Variants in CHAC1 observed in about 807,000 individuals in gnomAD.
CHAC1 encodes the protein glutathione-specific gamma-glutamylcyclotransferase 1.
A neutral mutation model predicts 22.1 loss-of-function variants in CHAC1; 22 were observed. The observed-to-expected ratio is 1.00, with a 90% CI of 0.71 to 1.42. CHAC1 has a LOEUF of 1.42. Ranked by LOEUF, CHAC1 falls within the 40% of genes most tolerant of loss-of-function variation. CHAC1 has a pLI of 0.00. For synonymous variants in CHAC1, 145 were observed against 128.7 expected (o/e 1.13, Z -0.86); for missense variants, 272 against 299.2 (o/e 0.91, Z 0.67).
intron 2 of CHAC1, among the ~76,000 whole-genome samples, chr15:40,954,585 T>TTGTTG (rs1555394339): frequency 6.8e-5 from 10 of 148,002 alleles, no homozygotes; most frequent in African/African-American, 2.4e-4. Flanking sequence ...GTTTTTTTTT[T>TTGTTG]TTGTTGTTGT....
In CHAC1 at chr15:40,953,698, G is replaced by A. The variant is rs938202394; in HGVS notation, c.115G>A (p.Gly39Ser). Reference protein sequence around the residue: ...DPQALWIFGYGSLVWRPDFAY... With the variant: ...DPQALWIFGYSSLVWRPDFAY... ...TCAAGCGCTGTGGATTTTCGGGTAC[G>A]GCTCCCTGGTGTGGAGGCCCGACTT... The change falls in exon 1 of 3, where the codon GGC becomes AGC. Residue 39 changes from glycine (G) to serine (S), a missense_variant. Physicochemically the swap from Gly to Ser is moderately conservative, Grantham distance 56 (BLOSUM62 0). Transcript: ENST00000617768. 2.5e-6 allele frequency: 4 copies of A among 1,607,090 alleles called. No individual in the cohort carries two copies. The highest frequency in any genetic ancestry group is 1.7e-5 in the Admixed American group (1 of 60,024).
chr15:40,953,866 G>A lies in CHAC1; in HGVS notation c.231+52G>A, dbSNP rs113688032. 7.1e-3 allele frequency: 9,908 copies of A among 1,387,732 alleles called. 42 individuals are homozygous for A. Among genetic ancestry groups the A allele is most frequent in the Middle Eastern group, 0.019 (104 of 5,430 alleles). 86.0% of individuals were successfully genotyped at this position (1,387,732 alleles called of 1,614,324 possible). ...GTGAGGGGGTTGGGGGCGGGATACTGGGCGCCAGTGCCCTGGAATGTCCGG... is the reference window on the plus strand; with the variant it reads ...GTGAGGGGGTTGGGGGCGGGATACTAGGCGCCAGTGCCCTGGAATGTCCGG... On this transcript the variant is annotated intron_variant, in intron 1 of 2. Transcript: ENST00000617768.
Position 40,953,487 on chromosome 15 carries a change from C to T in CHAC1, c.-97C>T, listed in dbSNP as rs754315444. On this transcript the variant is annotated 5_prime_UTR_variant, in exon 1 of 3. Coordinates refer to ENST00000617768, the MANE Select transcript of CHAC1 (RefSeq NM_024111.6). ...GGGGCGCTCAGCTGGAGCTACCGAG[C>T]GGTGCCAGGCCAGGTGTGTGCGTCC... 3.9e-6 allele frequency: 6 copies of T among 1,523,856 alleles called. No individual in the cohort carries two copies. Among genetic ancestry groups the T allele is most frequent in the South Asian group, 2.5e-5 (2 of 81,374 alleles). 94.4% of individuals were successfully genotyped at this position (1,523,856 alleles called of 1,614,324 possible). A position where few individuals can be genotyped will look rare whatever the true frequency, so the allele number is the denominator to read the frequency against.
At position 40,955,629 on chromosome 15, in the gene CHAC1, A is replaced by G; in HGVS notation, c.524A>G (p.Asn175Ser). Reference protein sequence around the residue: ...ILACRGFSGHNLEYLLRLADF... With the variant: ...ILACRGFSGHSLEYLLRLADF... ...GCCTGCCGGGGCTTCTCCGGCCACA[A>G]CCTTGAATACTTGCTGCGTCTGGCA... The change falls in exon 3 of 3, where the codon AAC becomes AGC. Residue 175 changes from asparagine to serine, a missense_variant. By Grantham distance (46) the Asn-to-Ser change is conservative. Coordinates refer to ENST00000617768, the MANE Select transcript of CHAC1 (RefSeq NM_024111.6). 1.9e-6 allele frequency: 3 copies of G among 1,613,722 alleles called. No individual in the cohort carries two copies. The highest frequency in any genetic ancestry group is 1.7e-6 in the Non-Finnish European group (2 of 1,180,022).
chr15:40,955,463 G>A lies in CHAC1; in HGVS notation c.358G>A (p.Gly120Ser). 6.2e-7 allele frequency: 1 copy of A among 1,614,116 alleles called. No homozygotes were observed. Among genetic ancestry groups the A allele is most frequent in the African/African-American group, 1.3e-5 (1 of 75,048 alleles). The change falls in exon 3 of 3, where the codon GGC becomes AGC. Residue 120 changes from glycine to serine, a missense_variant. Transcript: ENST00000617768. ...GAATGTGCGAGAGGCAGTGCTTGGT[G>A]GCTACGATACCAAGGAGGTCACCTT... ...YLNVREAVLGGYDTKEVTFYP... is the reference protein window; with the variant it reads ...YLNVREAVLGSYDTKEVTFYP...
At position 40,953,736 on chromosome 15, in the gene CHAC1, C is replaced by G; in HGVS notation, c.153C>G (p.Asp51Glu). ...GGAGGCCCGACTTCGCCTACAGCGA[C>G]AGCCGTGTGGGCTTCGTGCGCGGCT... ...LVWRPDFAYS[D>E]SRVGFVRGYS... The change falls in exon 1 of 3, where the codon GAC (aspartate) becomes GAG (glutamate). Residue 51 changes from aspartate to glutamate, a missense_variant. Asp to Glu is a conservative substitution (Grantham distance 45, BLOSUM62 2). Transcript: ENST00000617768. The G allele has an allele frequency of 6.2e-7, 1 of 1,603,366 alleles. No individual in the cohort carries two copies. The highest frequency in any genetic ancestry group is 8.5e-7 in the Non-Finnish European group (1 of 1,179,922).
rs778700869 is a variant in CHAC1 at position 40,954,573 on chromosome 15, C to G, written c.267+310C>G. Among the ~76,000 whole-genome samples, 60 of 99,308 alleles carry G rather than the reference C, an allele frequency of 6.0e-4. 1 individual carries two copies. Among genetic ancestry groups the G allele is most frequent in the Non-Finnish European group, 1.1e-3 (47 of 44,270 alleles). 65.1% of individuals were successfully genotyped at this position (99,308 alleles called of 152,430 possible). A position where few individuals can be genotyped will look rare whatever the true frequency, so the allele number is the denominator to read the frequency against. On this transcript the variant is annotated intron_variant, in intron 2 of 2. Coordinates refer to ENST00000617768, the MANE Select transcript of CHAC1 (RefSeq NM_024111.6). The stretch of plus-strand genomic sequence containing the variant: ...CCCTGGTACTAGACCACTTTGTCAA[C>G]TGTTTTTTTTTTTTGTTGTTGTTGT...
chr15:40,955,388 G>A lies in CHAC1; in HGVS notation c.283G>A (p.Val95Met), dbSNP rs1430982981. Residue 95 changes from valine to methionine, a missense_variant, in exon 3 of 3, where the codon GTG becomes ATG. Physicochemically the swap from Val to Met is conservative, Grantham distance 21. Transcript: ENST00000617768. The part of the protein sequence containing the change: ...LEDHEGCTWG[V>M]AYQVQGEQVS... Reference sequence around the variant, plus strand: ...TTCTTCCCAGGGCTGCACTTGGGGCGTGGCATACCAAGTGCAAGGGGAGCA... The same window carrying A: ...TTCTTCCCAGGGCTGCACTTGGGGCATGGCATACCAAGTGCAAGGGGAGCA... The A allele has an allele frequency of 2.2e-5, 35 of 1,613,760 alleles. No individual in the cohort carries two copies. The highest frequency in any genetic ancestry group is 4.0e-5 in the African/African-American group (3 of 74,918).
rs1893248790 is a variant in CHAC1 at position 40,956,413 on chromosome 15, C to T, written c.*639C>T. ...TATCTACTTGTCTGTCTGGGCCACT[C>T]CTGCCTGTGTGTTGGTCTATTCCTG... On this transcript the variant is annotated 3_prime_UTR_variant, in exon 3 of 3. Transcript: ENST00000617768. The T allele has an allele frequency of 1.3e-5, 2 of 153,500 alleles. No individual in the cohort carries two copies. The highest frequency in any genetic ancestry group is 2.1e-4 in the South Asian group (1 of 4,866). 9.5% of individuals were successfully genotyped at this position (153,500 alleles called of 1,614,324 possible).
rs765096368 is a variant in CHAC1 at position 40,956,385 on chromosome 15, G to C, written c.*611G>C. 1.3e-5 allele frequency: 2 copies of C among 154,842 alleles called. No individual in the cohort carries two copies. Among genetic ancestry groups the C allele is most frequent in the Admixed American group, 1.3e-4 (2 of 15,530 alleles). 9.6% of individuals were successfully genotyped at this position (154,842 alleles called of 1,614,324 possible). On this transcript the variant is annotated 3_prime_UTR_variant, in exon 3 of 3. Coordinates refer to ENST00000617768, the MANE Select transcript of CHAC1 (RefSeq NM_024111.6). Reference sequence around the variant, plus strand: ...TGTTTTCTTGTCCCTCTGTCTGTCTGTCTATCTACTTGTCTGTCTGGGCCA... The same window carrying C: ...TGTTTTCTTGTCCCTCTGTCTGTCTCTCTATCTACTTGTCTGTCTGGGCCA...
rs2140379834 is a variant in CHAC1, at chr15:40,954,393, G to C, written c.267+130G>C. On this transcript the variant is annotated intron_variant, in intron 2 of 2. Transcript: ENST00000617768. ...TCTGGCAGAGTAGAAACGTGTTCTA[G>C]CTCAGTGCTTCTCACCAAATCACAT... 19 of 923,060 alleles carry C rather than the reference G, an allele frequency of 2.1e-5. 1 individual carries two copies. The South Asian group carries it at 2.4e-4, about 11-fold the overall frequency. 57.2% of individuals were successfully genotyped at this position (923,060 alleles called of 1,614,324 possible).
rs755645505 is a variant in CHAC1 at position 40,953,558 on chromosome 15, C to T, written c.-26C>T. The T allele has an allele frequency of 1.2e-6, 2 of 1,609,056 alleles. No individual in the cohort carries two copies. Among genetic ancestry groups the T allele is most frequent in the Non-Finnish European group, 1.7e-6 (2 of 1,179,714 alleles). ...GCCGGAGACCAGCCCCGGAGGCCGC[C>T]TGGGCCTATCCCTGTGCCAGGCACC... On this transcript the variant is annotated 5_prime_UTR_variant, in exon 1 of 3. Coordinates refer to ENST00000617768, the MANE Select transcript of CHAC1 (RefSeq NM_024111.6).
At position 40,955,565 on chromosome 15, in the gene CHAC1, G is replaced by A; in HGVS notation, c.460G>A (p.Gly154Ser). The A allele has an allele frequency of 6.2e-7, 1 of 1,614,134 alleles. No homozygotes were observed. The highest frequency in any genetic ancestry group is 8.5e-7 in the Non-Finnish European group (1 of 1,180,042). Residue 154 changes from glycine to serine, a missense_variant, in exon 3 of 3, where the codon GGC (glycine) becomes AGC (serine). Gly to Ser is a moderately conservative substitution (Grantham distance 56). Transcript: ENST00000617768. The stretch of plus-strand genomic sequence containing the variant: ...CACCCCACAGAACCCTGGTTACCTG[G>A]GCCCTGCGCCTGAAGAGGCCATTGC... Reference protein sequence around the residue: ...VATPQNPGYLGPAPEEAIATQ... With the variant: ...VATPQNPGYLSPAPEEAIATQ...
intron 2 of CHAC1, among the ~76,000 whole-genome samples, chr15:40,954,975 C>T (rs1351416191): frequency 2.0e-5 from 3 of 149,782 alleles, no homozygotes; most frequent in Non-Finnish European, 4.4e-5. Context: ...GTCACTGCAA[C>T]CTCCACCTCC....
Position 40,955,389 on chromosome 15 carries a change from TG to T in CHAC1, c.286del (p.Ala96HisfsTer9), listed in dbSNP as rs1401069975. 2 of 1,613,730 alleles carry T rather than the reference TG, an allele frequency of 1.2e-6. No individual in the cohort carries two copies. Among genetic ancestry groups the T allele is most frequent in the African/African-American group, 2.7e-5 (2 of 74,892 alleles). On this transcript the variant is annotated frameshift_variant, in exon 3 of 3. Coordinates refer to ENST00000617768, the MANE Select transcript of CHAC1 (RefSeq NM_024111.6). LOFTEE classifies it high-confidence loss of function. ...TCTTCCCAGGGCTGCACTTGGGGCG[TG>T]GCATACCAAGTGCAAGGGGAGCAGG... ...LEDHEGCTWGVAYQVQGEQVS... is the reference protein window; with the variant it reads ...LEDHEGCTWGXAYQVQGEQVS...
chr15:40,955,491 A>G lies in CHAC1; in HGVS notation c.386A>G (p.Tyr129Cys), dbSNP rs765451073. 1.9e-5 allele frequency: 31 copies of G among 1,614,176 alleles called. No individual in the cohort carries two copies. Among genetic ancestry groups the G allele is most frequent in the Non-Finnish European group, 2.4e-5 (28 of 1,180,010 alleles). Residue 129 changes from tyrosine (Y) to cysteine (C), a missense_variant, in exon 3 of 3, where the codon TAT (tyrosine) becomes TGT (cysteine). Physicochemically the swap from Tyr to Cys is radical, Grantham distance 194. Coordinates refer to ENST00000617768, the MANE Select transcript of CHAC1 (RefSeq NM_024111.6). The stretch of plus-strand genomic sequence containing the variant: ...TACGATACCAAGGAGGTCACCTTCT[A>G]TCCCCAAGATGCTCCTGACCAACCA... ...GGYDTKEVTFYPQDAPDQPLK... is the reference protein window; with the variant it reads ...GGYDTKEVTFCPQDAPDQPLK...
rs376033447 is a variant in CHAC1, at chr15:40,954,585, TTTG to T, written c.267+340_267+342del. On this transcript the variant is annotated intron_variant, in intron 2 of 2. Transcript: ENST00000617768. ...ACCACTTTGTCAACTGTTTTTTTTT[TTTG>T]TTGTTGTTGTTGTTGTTTTGTTTGT... Among the ~76,000 whole-genome samples the T allele has an allele frequency of 4.9e-4, 73 of 148,102 alleles. 2 individuals are homozygous for T. Among genetic ancestry groups the T allele is most frequent in the South Asian group, 2.6e-3 (12 of 4,704 alleles).
In CHAC1 at chr15:40,955,366, T is replaced by C. The variant is rs1310665794; in HGVS notation, c.268-7T>C. The C allele has an allele frequency of 3.1e-6, 5 of 1,613,132 alleles. No individual in the cohort carries two copies. In the East Asian group the frequency reaches 8.9e-5, roughly 29 times the overall value. On this transcript the variant is annotated splice_polypyrimidine_tract_variant and splice_region_variant and intron_variant, in intron 2 of 2. Coordinates refer to ENST00000617768, the MANE Select transcript of CHAC1 (RefSeq NM_024111.6). Reference sequence around the variant, plus strand: ...GACTGACCCCGGGTGTCCCTATTTCTTCCCAGGGCTGCACTTGGGGCGTGG... The same window carrying C: ...GACTGACCCCGGGTGTCCCTATTTCCTCCCAGGGCTGCACTTGGGGCGTGG...
At chr15:40,953,862 T>C (rs1355919889) in intron 1 of CHAC1, 48 bp downstream of exon 1, 1 of 1,442,332 alleles carries the variant, frequency 6.9e-7, no homozygotes, top group Non-Finnish European at 9.4e-7. Flanking sequence ...GGGGGCGGGA[T>C]ACTGGGCGCC....
Sources: allele counts gnomAD v4.1 joint callset (sites outside exome capture counted in the v4.1 genomes callset), GRCh38; gene constraint gnomAD v4.1.1; transcripts MANE v1.5; gene names NCBI Gene and HGNC (gene_info 2026-07-23, HGNC 2026-07-21).